TRHDE: variants seen among roughly 807,000 people sequenced by gnomAD.
The protein encoded by TRHDE is thyrotropin-releasing hormone-degrading ectoenzyme.
Under a neutral mutation model 125.7 loss-of-function variants are expected in TRHDE, and 72 were observed. The observed-to-expected ratio is 0.57, with a 90% confidence interval of 0.47 to 0.70. The LOEUF (loss-of-function observed/expected upper bound fraction) is 0.70. Ranked by LOEUF, TRHDE falls within the 30% of genes least tolerant of loss-of-function variation. The pLI is 0.00. For synonymous variants in TRHDE, 509 were observed against 509.1 expected (o/e 1.00, Z 0.00); for missense variants, 1,110 against 1,327.1 (o/e 0.84, Z 2.54).
chr12:72,143,536 G>A (rs74523935), intron 2 of TRHDE, among the ~76,000 whole-genome samples: 3,289 of 152,026 alleles, frequency 0.022, 61 homozygotes, highest in Non-Finnish European at 0.029. Context: ...AGGTAATGCT[G>A]GAGTAGCAGG....
intron 2 of TRHDE, among the ~76,000 whole-genome samples, chr12:72,228,749 T>C (rs1189637882): frequency 6.6e-6 from 1 of 152,206 alleles, no homozygotes; most frequent in African/African-American, 2.4e-5. Flanking sequence ...ATCCAAGTCA[T>C]CTCTTGAATG....
intron 2 of TRHDE, among the ~76,000 whole-genome samples, chr12:72,339,831 T>C (rs10879402): frequency 0.12 from 18,882 of 152,140 alleles, 1,763 homozygotes; most frequent in East Asian, 0.47. Context: ...ATAGTTGAGT[T>C]CTCCACTGGA....
chr12:72,164,213 A>G (rs1876695265), intron 2 of TRHDE, among the ~76,000 whole-genome samples: 2 of 152,260 alleles, frequency 1.3e-5, no homozygotes, highest in South Asian at 2.1e-4. Context: ...TAGGCTGGAA[A>G]TAAAGACAGA....
chr12:72,525,819 G>A (rs972718415), intron 6 of TRHDE, among the ~76,000 whole-genome samples: 7 of 152,034 alleles, frequency 4.6e-5, no homozygotes, highest in African/African-American at 1.2e-4. Context: ...AGAAAATATA[G>A]TTTATTCAAC....
chr12:72,370,948 G>A (rs537313547), intron 2 of TRHDE, among the ~76,000 whole-genome samples: 141 of 152,102 alleles, frequency 9.3e-4, no homozygotes, highest in Non-Finnish European at 1.6e-3. Context: ...TCGCCATGTT[G>A]GCCATGCGGG....
At chr12:72,213,944 T>G (rs757686477) in intron 2 of TRHDE, among the ~76,000 whole-genome samples, 1 of 152,092 alleles carries the variant, frequency 6.6e-6, no homozygotes, top group Non-Finnish European at 1.5e-5. Flanking sequence ...AAATTAAAAA[T>G]AAAACACAAG....
At chr12:72,156,343 C>T (rs928064426) in intron 2 of TRHDE, among the ~76,000 whole-genome samples, 10 of 152,192 alleles carry the variant, frequency 6.6e-5, no homozygotes, top group Admixed American at 2.0e-4. Context: ...TTGCGCTTCC[C>T]GGATGAGGTG....
intron 1 of TRHDE, among the ~76,000 whole-genome samples, chr12:72,278,629 A>G (rs561141599): frequency 1.3e-5 from 2 of 152,228 alleles, no homozygotes; most frequent in South Asian, 4.2e-4. Flanking sequence ...TGTCTATTTG[A>G]TAATAGCCAT....
chr12:72,313,936 A>G (rs544121767), intron 2 of TRHDE, among the ~76,000 whole-genome samples: 2 of 152,302 alleles, frequency 1.3e-5, no homozygotes, highest in South Asian at 4.1e-4. Flanking sequence ...AATTCCTCAG[A>G]TCCAGTGTGT....
In TRHDE at chr12:72,555,533, T is replaced by G. The variant is rs574928405; in HGVS notation, c.1789-6632T>G. ...TAATAGAATTAAAATATAAACATTA[T>G]TTTTTAATCTTTGCATAAAGCTTTC... On this transcript the variant is annotated intron_variant, in intron 7 of 18. Transcript: ENST00000261180. Among the ~76,000 whole-genome samples, 336 of 152,318 alleles carry G rather than the reference T, an allele frequency of 2.2e-3. 2 individuals are homozygous for G. The highest frequency in any genetic ancestry group is 7.6e-3 in the African/African-American group (314 of 41,584).
intron 2 of TRHDE, among the ~76,000 whole-genome samples, chr12:72,294,144 T>G (rs1037762081): frequency 2.6e-5 from 4 of 152,184 alleles, no homozygotes; most frequent in African/African-American, 9.7e-5. Context: ...CCAGAAGGAC[T>G]GCAGCTCTTC....
At chr12:72,454,873 T>C (rs1458548056) in intron 3 of TRHDE, among the ~76,000 whole-genome samples, 3 of 152,148 alleles carry the variant, frequency 2.0e-5, no homozygotes, top group African/African-American at 7.2e-5. Context: ...TAAACACAGA[T>C]TGTTCATGGT....
At position 72,477,327 on chromosome 12, in the gene TRHDE, C is replaced by A. The variant is rs1255285985; in HGVS notation, c.1584+4147C>A. Among the ~76,000 whole-genome samples, 9 of 152,226 alleles carry A rather than the reference C, an allele frequency of 5.9e-5. No individual in the cohort carries two copies. The South Asian group carries it at 8.3e-4, about 14-fold the overall frequency. ...GGCTTATACCAATTATTTATACGTA[C>A]AAAATAAACTTGGTATCTAGATTCA... is the stretch of plus-strand genomic sequence containing the variant. On this transcript the variant is annotated intron_variant, in intron 5 of 18. Coordinates refer to ENST00000261180, the MANE Select transcript of TRHDE (RefSeq NM_013381.3).
intron 7 of TRHDE, among the ~76,000 whole-genome samples, chr12:72,553,288 G>A (rs758716152): frequency 1.3e-5 from 2 of 152,110 alleles, no homozygotes; most frequent in Non-Finnish European, 2.9e-5. Flanking sequence ...GATTCCTCCA[G>A]GATTGGGATT....
At chr12:72,545,013 G>A (rs779471428) in intron 7 of TRHDE, among the ~76,000 whole-genome samples, 1 of 151,430 alleles carries the variant, frequency 6.6e-6, no homozygotes, top group Non-Finnish European at 1.5e-5. Flanking sequence ...CATTGGTTCA[G>A]CTATGAGAAA....
intron 1 of TRHDE, among the ~76,000 whole-genome samples, chr12:72,280,670 G>C (rs1265866681): frequency 6.6e-6 from 1 of 152,182 alleles, no homozygotes. Flanking sequence ...AGGGAAACAA[G>C]AGAAACACAC....
At chr12:72,201,864 C>T (rs1877566908) in intron 2 of TRHDE, among the ~76,000 whole-genome samples, 1 of 152,164 alleles carries the variant, frequency 6.6e-6, no homozygotes, top group Non-Finnish European at 1.5e-5. Flanking sequence ...ATGTCATAGC[C>T]ACATCCTGTC....
chr12:72,378,229 T>C (rs548718009), intron 3 of TRHDE, 108 bp downstream of exon 3: 193 of 1,135,116 alleles, frequency 1.7e-4, no homozygotes, highest in Non-Finnish European at 2.1e-4. Context: ...GAGATTTATA[T>C]TTTTAGAGAA....
intron 2 of TRHDE, among the ~76,000 whole-genome samples, chr12:72,205,379 A>G: frequency 6.6e-6 from 1 of 151,760 alleles, no homozygotes; most frequent in African/African-American, 2.4e-5. Flanking sequence ...AAAAACATAT[A>G]ACATAAACTT....
Sources: allele counts gnomAD v4.1 joint callset (sites outside exome capture counted in the v4.1 genomes callset), GRCh38; gene constraint gnomAD v4.1.1; transcripts MANE v1.5; gene names NCBI Gene and HGNC (gene_info 2026-07-23, HGNC 2026-07-21).